Variants in FBXW8 observed in about 807,000 individuals in gnomAD.
FBXW8 encodes the protein F-box and WD repeat domain containing 8, also known as F-box/WD repeat-containing protein 8.
A neutral mutation model predicts 65.3 loss-of-function variants in FBXW8; 57 were observed. The ratio of observed to expected loss-of-function variants is 0.87; its 90% CI spans 0.71 to 1.09. The LOEUF (loss-of-function observed/expected upper bound fraction) is 1.09, where lower values mean the gene tolerates loss of function less well. Ranked by LOEUF, FBXW8 falls within the 50% of genes least tolerant of loss-of-function variation. The pLI is 0.00. For missense variants in FBXW8, 777 were observed against 814.8 expected (o/e 0.95, Z 0.57); for synonymous variants, 308 against 330.2 (o/e 0.93, Z 0.73).
intron 8 of FBXW8, among the ~76,000 whole-genome samples, chr12:117,016,418 C>G (rs913482133): frequency 2.0e-4 from 30 of 152,310 alleles, no homozygotes; most frequent in African/African-American, 7.2e-4. Flanking sequence ...TATATCTTCT[C>G]TGGAGAGATG....
At chr12:116,919,054 A>G (rs139617964) in intron 1 of FBXW8, among the ~76,000 whole-genome samples, 1 of 152,346 alleles carries the variant, frequency 6.6e-6, no homozygotes, top group Non-Finnish European at 1.5e-5. Flanking sequence ...TAGAACAATT[A>G]CAACAGTATA....
intron 2 of FBXW8, among the ~76,000 whole-genome samples, chr12:116,943,934 A>G (rs2137342491): frequency 6.6e-6 from 1 of 152,342 alleles, no homozygotes; most frequent in East Asian, 1.9e-4. Flanking sequence ...GATAAAGACA[A>G]GCCTTGAGAA....
chr12:116,966,962 C>A (rs4767483), intron 5 of FBXW8, among the ~76,000 whole-genome samples: 109,496 of 151,956 alleles, frequency 0.72, 42,286 homozygotes, highest in Non-Finnish European at 0.85. Context: ...TAAAATGCTT[C>A]GCAAGTGATT....
At chr12:116,975,507 G>A (rs1884868579) in intron 5 of FBXW8, among the ~76,000 whole-genome samples, 1 of 152,154 alleles carries the variant, frequency 6.6e-6, no homozygotes, top group Admixed American at 6.5e-5. Context: ...TTTTAACACT[G>A]AAATGGTGGT....
chr12:116,966,792 G>T (rs1237425560), intron 5 of FBXW8, among the ~76,000 whole-genome samples: 2 of 151,836 alleles, frequency 1.3e-5, no homozygotes, highest in Non-Finnish European at 2.9e-5. Context: ...TCGGCTCACT[G>T]CAACCTCTGC....
rs571971222 is a variant in FBXW8, at chr12:116,944,838, T to C, written c.424-526T>C. Among the ~76,000 whole-genome samples, 20 of 152,360 alleles carry C rather than the reference T, an allele frequency of 1.3e-4. 1 individual carries two copies. In the South Asian group the frequency reaches 4.1e-3, roughly 32 times the overall value. On this transcript the variant is annotated intron_variant, in intron 2 of 10. Transcript: ENST00000652555. ...GATAATGGCTTGAGTTTTCTGTTAA[T>C]TAAATATATACATATGTTTAAAATC...
At chr12:117,016,703 C>G (rs1220478341) in intron 8 of FBXW8, among the ~76,000 whole-genome samples, 2 of 149,840 alleles carry the variant, frequency 1.3e-5, no homozygotes, top group African/African-American at 4.9e-5. Context: ...GAAACCATTT[C>G]CTAACCCAGG....
chr12:116,946,185 A>G (rs1882918897), intron 3 of FBXW8, among the ~76,000 whole-genome samples: 1 of 152,190 alleles, frequency 6.6e-6, no homozygotes, highest in African/African-American at 2.4e-5. Flanking sequence ...ATGGTAGAGA[A>G]GGGATGGAAC....
intron 4 of FBXW8, among the ~76,000 whole-genome samples, chr12:116,959,596 T>G (rs148640923): frequency 6.6e-6 from 1 of 152,270 alleles, no homozygotes; most frequent in South Asian, 2.1e-4. Flanking sequence ...TGGATACTTA[T>G]GAAGAAGAAA....
chr12:116,955,197 GC>G (rs1883567527), intron 4 of FBXW8, among the ~76,000 whole-genome samples: 1 of 152,138 alleles, frequency 6.6e-6, no homozygotes, highest in Non-Finnish European at 1.5e-5. Context: ...GCCTTCTCTG[GC>G]CCTCGTTCTT....
chr12:116,957,330 C>T (rs1052314060), intron 4 of FBXW8, among the ~76,000 whole-genome samples: 6 of 152,008 alleles, frequency 3.9e-5, no homozygotes, highest in Middle Eastern at 3.2e-3. Flanking sequence ...TTGGTGACAG[C>T]GAGACTGTCT....
Position 117,030,246 on chromosome 12 carries a change from G to T in FBXW8, c.*2074G>T, listed in dbSNP as rs993133628. ...GCAGATAGAGCTGCGACTGGGAAGC[G>T]TCACCTTCCCGTCCAGAGCGCTTTC... On this transcript the variant is annotated 3_prime_UTR_variant, in exon 11 of 11. Coordinates refer to ENST00000652555, the MANE Select transcript of FBXW8 (RefSeq NM_153348.3). The T allele has an allele frequency of 1.3e-5, 2 of 152,186 alleles. No homozygotes were observed. Among genetic ancestry groups the T allele is most frequent in the Admixed American group, 6.5e-5 (1 of 15,284 alleles). 9.4% of individuals were successfully genotyped at this position (152,186 alleles called of 1,614,324 possible). A position where few individuals can be genotyped will look rare whatever the true frequency, so the allele number is the denominator to read the frequency against.
rs1954258254 is a variant in FBXW8, at chr12:117,027,410, A to C, written c.1558A>C (p.Ile520Leu). ...GCCTTCCAGGCACCCGGTGCAGCAC[A>C]TCTCATTCAGCAGCCACAGCCTCAT... ...EVYSGHPVQH[I>L]SFSSHSLITA... Residue 520 changes from isoleucine (I) to leucine (L), a missense_variant, in exon 10 of 11, where the codon ATC becomes CTC. Physicochemically the swap from Ile to Leu is conservative, Grantham distance 5. Coordinates refer to ENST00000652555, the MANE Select transcript of FBXW8 (RefSeq NM_153348.3). The C allele has an allele frequency of 6.2e-7, 1 of 1,613,918 alleles. No homozygotes were observed.
In FBXW8 at chr12:117,024,274, G is replaced by A. The variant is rs374653714; in HGVS notation, c.1495G>A (p.Val499Met). The change falls in exon 9 of 11, where the codon GTG becomes ATG. Residue 499 changes from valine to methionine, a missense_variant. Val to Met is a conservative substitution (Grantham distance 21, BLOSUM62 1). Coordinates refer to ENST00000652555, the MANE Select transcript of FBXW8 (RefSeq NM_153348.3). ...VSGGEEGLVSVWDYRMNQKLW... is the reference protein window; with the variant it reads ...VSGGEEGLVSMWDYRMNQKLW... The stretch of plus-strand genomic sequence containing the variant: ...TGGAGGCGAGGAAGGCCTGGTGTCC[G>A]TGTGGGATTATCGGATGAACCAGAA... 53 of 1,614,200 alleles carry A rather than the reference G, an allele frequency of 3.3e-5. No individual in the cohort carries two copies. The South Asian group carries it at 4.8e-4, about 15-fold the overall frequency.
At chr12:117,016,697 C>T (rs984303377) in intron 8 of FBXW8, among the ~76,000 whole-genome samples, 1 of 150,062 alleles carries the variant, frequency 6.7e-6, no homozygotes, top group African/African-American at 2.5e-5. Flanking sequence ...AGCTAAGAAA[C>T]CATTTCCTAA....
chr12:116,914,219 G>A (rs1164536533), intron 1 of FBXW8, among the ~76,000 whole-genome samples: 1 of 151,954 alleles, frequency 6.6e-6, no homozygotes, highest in Non-Finnish European at 1.5e-5. Context: ...GCTGCAGTGA[G>A]CCATGATTGC....
chr12:117,010,050 T>G (rs1459493079), intron 7 of FBXW8, among the ~76,000 whole-genome samples: 2 of 152,192 alleles, frequency 1.3e-5, no homozygotes, highest in Admixed American at 6.5e-5. Context: ...ATACCTGATT[T>G]CCCTGCGTTT....
Position 116,944,261 on chromosome 12 carries a change from T to C in FBXW8, c.424-1103T>C, listed in dbSNP as rs530518929. ...ACTCCGAAAAAGTTGATCGATCATT[T>C]TTGGTGGAATTCTTACTGCTGTTAT... On this transcript the variant is annotated intron_variant, in intron 2 of 10. Transcript: ENST00000652555. 6.6e-5 allele frequency among the ~76,000 whole-genome samples: 10 copies of C among 152,308 alleles called. No individual in the cohort carries two copies. In the East Asian group the frequency reaches 1.9e-3, roughly 29 times the overall value.
intron 8 of FBXW8, among the ~76,000 whole-genome samples, chr12:117,014,405 A>G (rs566005174): frequency 6.6e-6 from 1 of 152,330 alleles, no homozygotes; most frequent in South Asian, 2.1e-4. Context: ...AGGGTTCCCA[A>G]ACTAGCTTAT....
Sources: gnomAD v4.1 joint callset for allele counts (sites outside exome capture counted in the v4.1 genomes callset) on GRCh38, gnomAD v4.1.1 for gene constraint, MANE v1.5 for transcripts, NCBI Gene and HGNC (gene_info 2026-07-23, HGNC 2026-07-21) for gene names.